FGF13: variants seen among roughly 807,000 people sequenced by gnomAD.
The protein encoded by FGF13 is fibroblast growth factor 13, also known as fibroblast growth factor homologous factor 2.
Under a neutral mutation model 19.5 loss-of-function variants are expected in FGF13, and 2 were observed. That is an observed-to-expected ratio of 0.10 (90% CI 0.04 to 0.32). The LOEUF is 0.32. Among genes scored for constraint, FGF13 ranks in the 10% least tolerant of loss-of-function variants. FGF13 has a pLI of 1.00. For missense variants in FGF13, 113 were observed against 192.7 expected (o/e 0.59, Z 2.45); for synonymous variants, 72 against 76.9 (o/e 0.94, Z 0.33).
chrX:138,846,084 G>A (rs946448381), intron 3 of FGF13, among the ~76,000 whole-genome samples: 5 of 110,664 alleles, frequency 4.5e-5, no homozygotes, highest in African/African-American at 9.8e-5. Flanking sequence ...TGGATGTATC[G>A]TAGAAAGGAC....
At chrX:138,894,566 G>A (rs901192656) in intron 1 of FGF13, among the ~76,000 whole-genome samples, 3 of 111,152 alleles carry the variant, frequency 2.7e-5, no homozygotes, top group South Asian at 3.8e-4. Flanking sequence ...CAGAAGAAAT[G>A]GATAAATTCC....
chrX:138,823,127 A>AG (rs2091010579), intron 3 of FGF13, among the ~76,000 whole-genome samples: 1 of 111,504 alleles, frequency 9.0e-6, no homozygotes, highest in Non-Finnish European at 1.9e-5. Context: ...GGGATTGTCA[A>AG]GTGGTCCAAT....
intron 1 of FGF13, among the ~76,000 whole-genome samples, chrX:139,083,980 G>A (rs1164047593): frequency 9.0e-6 from 1 of 110,953 alleles, no homozygotes; most frequent in Non-Finnish European, 1.9e-5. Flanking sequence ...CTTTTCAGTC[G>A]GGGGGTGCCG....
chrX:139,091,570 G>A (rs2083440316), intron 1 of FGF13, among the ~76,000 whole-genome samples: 1 of 111,550 alleles, frequency 9.0e-6, no homozygotes, highest in South Asian at 3.8e-4. Context: ...AACAAGTCAT[G>A]AGCACATGAA....
rs1340047514 is a variant in FGF13 at position 138,985,148 on chromosome X, A to G, written c.-112-120498T>C. 6 of 334,846 alleles carry G rather than the reference A, an allele frequency of 1.8e-5. No homozygotes were observed. The Admixed American group carries it at 1.9e-4, about 11-fold the overall frequency. 27.6% of individuals were successfully genotyped at this position (334,846 alleles called of 1,213,427 possible). A position where few individuals can be genotyped will look rare whatever the true frequency, so the allele number is the denominator to read the frequency against. On this transcript the variant is annotated intron_variant, in intron 1 of 2. Coordinates refer to the FGF13 transcript ENST00000421460. The stretch of plus-strand genomic sequence containing the variant: ...CTCCATTAGGCCTATGTGGAAGGAA[A>G]AGTTTAGGCTGTGTCTAGATCACAC...
chrX:139,192,470 C>T (rs1274752945), intron 1 of FGF13, among the ~76,000 whole-genome samples: 1 of 110,942 alleles, frequency 9.0e-6, no homozygotes, highest in Admixed American at 9.5e-5. Context: ...AGTAGGTCAG[C>T]GGGAGGGTTT....
At chrX:138,841,340 G>A (rs1303032764) in intron 3 of FGF13, among the ~76,000 whole-genome samples, 2 of 110,654 alleles carry the variant, frequency 1.8e-5, no homozygotes, top group African/African-American at 3.3e-5. Flanking sequence ...CTCAACCAAC[G>A]CAGCAAAAAC....
At position 138,631,602 on chromosome X, in the gene FGF13, G is replaced by A. The variant is rs181687923; in HGVS notation, c.*1248C>T. The A allele has an allele frequency of 2.7e-5, 3 of 112,269 alleles. No individual in the cohort carries two copies. The highest frequency in any genetic ancestry group is 9.5e-5 in the Admixed American group (1 of 10,517). 9.3% of individuals were successfully genotyped at this position (112,269 alleles called of 1,213,427 possible). A position where few individuals can be genotyped will look rare whatever the true frequency, so the allele number is the denominator to read the frequency against. On this transcript the variant is annotated 3_prime_UTR_variant, in exon 5 of 5. Coordinates refer to ENST00000315930, the MANE Select transcript of FGF13 (RefSeq NM_004114.5). ...TTGAATGAATATAAAGAGTTTATTC[G>A]GTGCGTATTTGGGTATACAACAACA...
chrX:138,751,688 C>T (rs1335541727), intron 3 of FGF13, among the ~76,000 whole-genome samples: 1 of 111,466 alleles, frequency 9.0e-6, no homozygotes, highest in Non-Finnish European at 1.9e-5. Context: ...AGGAACAGAT[C>T]CTACTTCAAA....
chrX:139,057,226 G>GATAGGAA (rs1319677846), intron 1 of FGF13, among the ~76,000 whole-genome samples: 9 of 110,513 alleles, frequency 8.1e-5, no homozygotes, highest in African/African-American at 3.0e-4. Context: ...TAAATCCCTG[G>GATAGGAA]ATAGGAAATG....
chrX:139,105,370 G>A (rs936237824), intron 1 of FGF13, among the ~76,000 whole-genome samples: 7 of 110,961 alleles, frequency 6.3e-5, no homozygotes, highest in African/African-American at 2.3e-4. Flanking sequence ...AGACCACAGA[G>A]TCCTCTTCTG....
chrX:138,879,509 T>C, intron 1 of FGF13, among the ~76,000 whole-genome samples: 1 of 112,049 alleles, frequency 8.9e-6, no homozygotes, highest in Non-Finnish European at 1.9e-5. Context: ...AGATATTGGT[T>C]AACGTTAGTT....
chrX:139,204,545 TC>T (rs2084450415), upstream of FGF13, among the ~76,000 whole-genome samples: 1 of 112,726 alleles, frequency 8.9e-6, no homozygotes, highest in African/African-American at 3.2e-5. Context: ...CGCGGGCCGC[TC>T]GCTGGGAGTT....
chrX:138,894,676 C>G (rs908264723), intron 1 of FGF13, among the ~76,000 whole-genome samples: 2 of 109,904 alleles, frequency 1.8e-5, no homozygotes, highest in African/African-American at 6.6e-5. Context: ...AATAGCCTAC[C>G]AACCAAAAAA....
intron 1 of FGF13, among the ~76,000 whole-genome samples, chrX:139,004,893 G>C (rs1170458952): frequency 1.8e-5 from 2 of 112,214 alleles, no homozygotes; most frequent in Admixed American, 1.9e-4. Context: ...TGCCAGCTCA[G>C]CTGCAGTACA....
intron 3 of FGF13, among the ~76,000 whole-genome samples, chrX:138,657,985 A>G (rs1022618854): frequency 3.6e-5 from 4 of 111,927 alleles, no homozygotes; most frequent in African/African-American, 1.3e-4. Context: ...TAAATCAAAT[A>G]TTTATTATGC....
At chrX:138,919,156 A>G (rs961550646) in intron 1 of FGF13, among the ~76,000 whole-genome samples, 25 of 112,009 alleles carry the variant, frequency 2.2e-4, no homozygotes, top group Middle Eastern at 4.6e-3. Context: ...TGCATGAAAA[A>G]ATACACCACG....
rs185662874 is a variant in FGF13, at chrX:138,683,465, G to A, written c.402+19519C>T. On this transcript the variant is annotated intron_variant, in intron 3 of 4. Transcript: ENST00000315930. ...GCTCCAATGTTAATAAAGAAATCAT[G>A]TCTCTTCTCTTGTTGTATAGGGTAT... Among the ~76,000 whole-genome samples the A allele has an allele frequency of 4.6e-5, 5 of 109,354 alleles. 1 individual carries two copies. The highest frequency in any genetic ancestry group is 9.5e-5 in the Non-Finnish European group (5 of 52,406). The allele number at this position is 109,354 out of a possible 115,157, so 95.0% of individuals were successfully genotyped here. A position where few individuals can be genotyped will look rare whatever the true frequency, so the allele number is the denominator to read the frequency against.
At chrX:139,092,379 T>G (rs936547985) in intron 1 of FGF13, among the ~76,000 whole-genome samples, 1 of 112,831 alleles carries the variant, frequency 8.9e-6, no homozygotes, top group Non-Finnish European at 1.9e-5. Context: ...TTAAATTTTA[T>G]GATCTCATCA....
Sources: gnomAD v4.1 joint callset for allele counts (sites outside exome capture counted in the v4.1 genomes callset) on GRCh38, gnomAD v4.1.1 for gene constraint, MANE v1.5 for transcripts, NCBI Gene and HGNC (gene_info 2026-07-23, HGNC 2026-07-21) for gene names.